Variants in FHOD3 observed in about 807,000 individuals in gnomAD.
FHOD3 encodes FH1/FH2 domain-containing protein 3.
Under a neutral mutation model 173.0 loss-of-function variants are expected in FHOD3, and 90 were observed. The ratio of observed to expected loss-of-function variants is 0.52; its 90% CI spans 0.44 to 0.62. The LOEUF is 0.62. FHOD3 is among the 20% of genes least tolerant of loss of function. The pLI, the probability that FHOD3 is intolerant of heterozygous loss-of-function variation, is 0.00. For synonymous variants in FHOD3, 828 were observed against 823.0 expected (o/e 1.01, Z -0.10); for missense variants, 1,945 against 2,034.7 (o/e 0.96, Z 0.85).
rs919945143 is a variant in FHOD3, at chr18:36,297,787, C to T, written c.-49C>T. 41 of 1,452,828 alleles carry T rather than the reference C, an allele frequency of 2.8e-5. No homozygotes were observed. The highest frequency in any genetic ancestry group is 3.2e-5 in the Non-Finnish European group (35 of 1,096,698). 90.0% of individuals were successfully genotyped at this position (1,452,828 alleles called of 1,614,324 possible). A position where few individuals can be genotyped will look rare whatever the true frequency, so the allele number is the denominator to read the frequency against. ...GCGCAGCTACCCGGGCGTCCCGGCC[C>T]GCGGCCCCGCTAACCCCGGGGCCCG... On this transcript the variant is annotated 5_prime_UTR_variant, in exon 1 of 29. Coordinates refer to ENST00000590592, the MANE Select transcript of FHOD3 (RefSeq NM_001281740.3).
intron 10 of FHOD3, among the ~76,000 whole-genome samples, chr18:36,630,049 T>C (rs2034399614): frequency 1.3e-5 from 2 of 151,952 alleles, no homozygotes; most frequent in African/African-American, 4.8e-5. Flanking sequence ...AATTCTGCCT[T>C]AGGGGAAGGC....
intron 24 of FHOD3, among the ~76,000 whole-genome samples, chr18:36,748,656 G>A (rs2042270940): frequency 6.6e-6 from 1 of 152,118 alleles, no homozygotes; most frequent in African/African-American, 2.4e-5. Flanking sequence ...ACATCCTACT[G>A]GGGATGACCA....
At chr18:36,529,516 A>G (rs531027966) in intron 5 of FHOD3, among the ~76,000 whole-genome samples, 221 of 152,274 alleles carry the variant, frequency 1.5e-3, no homozygotes, top group Middle Eastern at 0.014. Context: ...TATGTTTTAC[A>G]GATGTAAAAA....
At chr18:36,330,837 G>A (rs943279517) in intron 1 of FHOD3, among the ~76,000 whole-genome samples, 1 of 141,054 alleles carries the variant, frequency 7.1e-6, no homozygotes, top group Non-Finnish European at 1.5e-5. Context: ...ATCTTTTTCT[G>A]ATGAGTGAGT....
At chr18:36,744,906 C>T (rs1600523132) in intron 23 of FHOD3, among the ~76,000 whole-genome samples, 1 of 152,148 alleles carries the variant, frequency 6.6e-6, no homozygotes, top group Admixed American at 6.5e-5. Flanking sequence ...ACAGGAAACT[C>T]GCTAGGGGAG....
chr18:36,769,598 T>C (rs1395345753), intron 28 of FHOD3, among the ~76,000 whole-genome samples, 172 bp downstream of exon 28: 7 of 152,114 alleles, frequency 4.6e-5, no homozygotes, highest in Non-Finnish European at 8.8e-5. Context: ...ACGTTGGCCA[T>C]TGTGGAGGAG....
chr18:36,597,587 C>T (rs764033482), intron 7 of FHOD3, among the ~76,000 whole-genome samples: 1 of 152,004 alleles, frequency 6.6e-6, no homozygotes, highest in Non-Finnish European at 1.5e-5. Context: ...CCACCATGCC[C>T]GGCTAATTTT....
At chr18:36,727,255 G>C (rs2041125411) in intron 19 of FHOD3, among the ~76,000 whole-genome samples, 2 of 152,174 alleles carry the variant, frequency 1.3e-5, no homozygotes, top group Non-Finnish European at 2.9e-5. Context: ...AAATGGATCA[G>C]AATAGATGAC....
intron 17 of FHOD3, among the ~76,000 whole-genome samples, chr18:36,708,850 G>A (rs1356373666): frequency 6.6e-6 from 1 of 152,128 alleles, no homozygotes; most frequent in Non-Finnish European, 1.5e-5. Context: ...TTTCCTGATT[G>A]GATCCAACTC....
chr18:36,712,800 T>C (rs1376280566), intron 18 of FHOD3, among the ~76,000 whole-genome samples: 1 of 151,568 alleles, frequency 6.6e-6, no homozygotes, highest in East Asian at 1.9e-4. Flanking sequence ...TTTAAAGACA[T>C]TCACACCAAG....
At chr18:36,406,876 G>A (rs373351242) in intron 3 of FHOD3, among the ~76,000 whole-genome samples, 15 of 152,200 alleles carry the variant, frequency 9.9e-5, no homozygotes, top group African/African-American at 2.4e-4. Context: ...GGCTTACCAC[G>A]TCACCCATCT....
At chr18:36,753,123 G>T (rs2042476321) in intron 24 of FHOD3, among the ~76,000 whole-genome samples, 1 of 152,186 alleles carries the variant, frequency 6.6e-6, no homozygotes, top group African/African-American at 2.4e-5. Flanking sequence ...GCAGCTGTCA[G>T]TAGGGAAAAC....
chr18:36,703,234 C>CT (rs2039685853), intron 17 of FHOD3, among the ~76,000 whole-genome samples: 3 of 152,338 alleles, frequency 2.0e-5, no homozygotes, highest in Admixed American at 2.0e-4. Context: ...CTCTGCCAAA[C>CT]TAAGGCCCTA....
At chr18:36,470,354 T>C (rs1219178799) in intron 3 of FHOD3, among the ~76,000 whole-genome samples, 1 of 152,202 alleles carries the variant, frequency 6.6e-6, no homozygotes, top group South Asian at 2.1e-4. Flanking sequence ...CCAGATGTAA[T>C]GTGAAGGAAC....
rs763277567 is a variant in FHOD3, at chr18:36,602,736, C to A, written c.781C>A (p.Leu261Ile). 1.2e-6 allele frequency: 2 copies of A among 1,614,012 alleles called. No individual in the cohort carries two copies. Among genetic ancestry groups the A allele is most frequent in the Non-Finnish European group, 1.7e-6 (2 of 1,180,002 alleles). Reference sequence around the variant, plus strand: ...GGAAAAAGATGGAGTTGATACGGAGCTACTGGTTTATGCAATGACTTTGGT... The same window carrying A: ...GGAAAAAGATGGAGTTGATACGGAGATACTGGTTTATGCAATGACTTTGGT... Reference protein sequence around the residue: ...LEEKDGVDTELLVYAMTLVNK... With the variant: ...LEEKDGVDTEILVYAMTLVNK... The change falls in exon 8 of 29, where the codon CTA (leucine) becomes ATA (isoleucine). Residue 261 changes from leucine to isoleucine, a missense_variant. Around this residue, in one of 5 missense-constraint regions of FHOD3, gnomAD observed 1,099 missense variants for 1,051.2 expected, o/e 1.05. Transcript: ENST00000590592.
chr18:36,624,549 C>T (rs1158968012), intron 9 of FHOD3, among the ~76,000 whole-genome samples: 1 of 152,064 alleles, frequency 6.6e-6, no homozygotes, highest in East Asian at 1.9e-4. Context: ...AGGAGAGTTA[C>T]TCAGAAGGAC....
chr18:36,467,403 A>G (rs534205031), intron 3 of FHOD3, among the ~76,000 whole-genome samples: 82 of 152,258 alleles, frequency 5.4e-4, no homozygotes, highest in Middle Eastern at 6.8e-3. Context: ...AGAGCGAACC[A>G]TCCAGGCATG....
intron 3 of FHOD3, among the ~76,000 whole-genome samples, chr18:36,420,824 G>A (rs2049947853): frequency 6.6e-6 from 1 of 152,186 alleles, no homozygotes; most frequent in Non-Finnish European, 1.5e-5. Context: ...ACTGTCTGGT[G>A]GCAGTGCAGG....
intron 5 of FHOD3, among the ~76,000 whole-genome samples, chr18:36,566,924 G>A (rs1201997571): frequency 6.6e-6 from 1 of 152,160 alleles, no homozygotes; most frequent in Non-Finnish European, 1.5e-5. Flanking sequence ...CCCTTAATAA[G>A]TGCAGTGTAC....
Sources: gnomAD v4.1 joint callset for allele counts (sites outside exome capture counted in the v4.1 genomes callset) on GRCh38, gnomAD v4.1.1 for gene constraint, gnomAD v4.1.1 regional missense constraint, MANE v1.5 for transcripts, NCBI Gene and HGNC (gene_info 2026-07-23, HGNC 2026-07-21) for gene names.